Variants in PPFIBP2 observed in about 807,000 individuals in gnomAD.
PPFIBP2 encodes the protein PPFIB scaffold protein 2.
Under a neutral mutation model 118.3 loss-of-function variants are expected in PPFIBP2, and 118 were observed. The observed-to-expected ratio is 1.00, with a 90% CI of 0.86 to 1.16. The LOEUF (loss-of-function observed/expected upper bound fraction) is 1.16. PPFIBP2 is among the 50% of genes most tolerant of loss of function. The probability of loss-of-function intolerance (pLI) is 0.00; values close to 1 mark genes in which losing one functional copy is unlikely to be tolerated. For synonymous variants in PPFIBP2, 414 were observed against 397.4 expected (o/e 1.04, Z -0.50); for missense variants, 1,195 against 1,073.1 (o/e 1.11, Z -1.59).
At chr11:7,640,017 TC>T in intron 15 of PPFIBP2, 147 bp downstream of exon 15, 2 of 992,292 alleles carry the variant, frequency 2.0e-6, no homozygotes, top group Non-Finnish European at 2.6e-6. Flanking sequence ...CTTGGGGTGG[TC>T]CCACCTCCCC....
At chr11:7,617,473 C>CTGAGCAGGTGAGG (rs1281489743) in intron 6 of PPFIBP2, among the ~76,000 whole-genome samples, 1 of 152,138 alleles carries the variant, frequency 6.6e-6, no homozygotes, top group Non-Finnish European at 1.5e-5. Flanking sequence ...CTCAGTGACC[C>CTGAGCAGGTGAGG]TCACTGAGCA....
chr11:7,577,581 G>A (rs1008520461), intron 3 of PPFIBP2: 10 of 456,548 alleles, frequency 2.2e-5, no homozygotes, highest in Non-Finnish European at 4.4e-5. Context: ...TGCTGACATG[G>A]GTGCCCAGCA....
chr11:7,524,859 G>T (rs1850083332), intron 1 of PPFIBP2, among the ~76,000 whole-genome samples: 1 of 152,158 alleles, frequency 6.6e-6, no homozygotes, highest in Non-Finnish European at 1.5e-5. Context: ...AATAGTTCTT[G>T]ACTCTGACAC....
intron 2 of PPFIBP2, among the ~76,000 whole-genome samples, chr11:7,553,687 A>G (rs1378169932): frequency 1.3e-5 from 2 of 152,202 alleles, no homozygotes; most frequent in African/African-American, 4.8e-5. Flanking sequence ...TATTATTGTG[A>G]GGGTTGAATT....
At chr11:7,595,363 G>A (rs1263605707) in intron 4 of PPFIBP2, among the ~76,000 whole-genome samples, 1 of 152,226 alleles carries the variant, frequency 6.6e-6, no homozygotes, top group Non-Finnish European at 1.5e-5. Flanking sequence ...GCAGCAAACA[G>A]TATGAAATTG....
rs1348072358 is a variant in PPFIBP2, at chr11:7,617,082, C to CTT, written c.619-3850_619-3849dup. 8.1e-6 allele frequency: 8 copies of CTT among 982,238 alleles called. No individual in the cohort carries two copies. In the African/African-American group the frequency reaches 1.2e-4, roughly 15 times the overall value. 60.8% of individuals were successfully genotyped at this position (982,238 alleles called of 1,614,324 possible). On this transcript the variant is annotated intron_variant, in intron 6 of 23. Coordinates refer to ENST00000299492, the MANE Select transcript of PPFIBP2 (RefSeq NM_003621.5). ...TCTGAGAGCTGTCTGACCTGGAGTG[C>CTT]TTTTCTCTTCTTTCTTTTCCTTCCT...
At chr11:7,536,348 G>T (rs371779576) in intron 1 of PPFIBP2, among the ~76,000 whole-genome samples, 5 of 152,158 alleles carry the variant, frequency 3.3e-5, no homozygotes, top group African/African-American at 4.8e-5. Context: ...GAGGTAGGCA[G>T]TGGGGCTCTG....
chr11:7,516,520 C>T (rs953356075), intron 1 of PPFIBP2, among the ~76,000 whole-genome samples: 1 of 151,984 alleles, frequency 6.6e-6, no homozygotes. Context: ...TGTATTGGTT[C>T]GAACCCCGAG....
chr11:7,543,765 A>T (rs1313848851), intron 1 of PPFIBP2, among the ~76,000 whole-genome samples: 1 of 152,220 alleles, frequency 6.6e-6, no homozygotes, highest in African/African-American at 2.4e-5. Flanking sequence ...TTTGCCAAAC[A>T]TGAAAGGAGT....
intron 10 of PPFIBP2, 152 bp downstream of exon 10, chr11:7,629,686 G>A (rs1392839169): frequency 5.4e-6 from 4 of 742,424 alleles, no homozygotes; most frequent in East Asian, 2.6e-5. Flanking sequence ...TCTGCATGAT[G>A]AGAACTTAGC....
At chr11:7,665,567 G>C in the PPFIBP2 span, 1 of 1,579,832 alleles carries the variant, frequency 6.3e-7, no homozygotes, top group Non-Finnish European at 8.6e-7. Context: ...GGAGATGCAG[G>C]AGCAAGCTGA....
chr11:7,636,888 G>A (rs749462043), intron 14 of PPFIBP2, among the ~76,000 whole-genome samples: 6 of 152,074 alleles, frequency 3.9e-5, no homozygotes, highest in Non-Finnish European at 5.9e-5. Flanking sequence ...GTGCAGAACC[G>A]CTCCACAGTC....
chr11:7,547,759 C>T (rs1479877755), intron 1 of PPFIBP2, among the ~76,000 whole-genome samples: 1 of 152,200 alleles, frequency 6.6e-6, no homozygotes, highest in African/African-American at 2.4e-5. Context: ...TTCTCATTCC[C>T]TCTAAGCTAA....
intron 5 of PPFIBP2, among the ~76,000 whole-genome samples, chr11:7,605,555 A>C (rs1335865366): frequency 1.3e-5 from 2 of 152,232 alleles, no homozygotes; most frequent in Non-Finnish European, 2.9e-5. Context: ...AATCACGACA[A>C]AAGACTAACA....
intron 1 of PPFIBP2, among the ~76,000 whole-genome samples, chr11:7,536,988 C>A (rs775862864): frequency 6.6e-6 from 1 of 152,100 alleles, no homozygotes; most frequent in Non-Finnish European, 1.5e-5. Flanking sequence ...GACAGGCTGG[C>A]AGACCATGGT....
At chr11:7,571,265 C>T (rs967217656) in intron 3 of PPFIBP2, among the ~76,000 whole-genome samples, 2 of 152,210 alleles carry the variant, frequency 1.3e-5, no homozygotes, top group East Asian at 1.9e-4. Flanking sequence ...GCCACCCCCC[C>T]TTCTCAGCTC....
downstream of PPFIBP2, among the ~76,000 whole-genome samples, chr11:7,658,215 A>G (rs533534348): frequency 9.9e-5 from 15 of 151,140 alleles, no homozygotes; most frequent in East Asian, 3.0e-3. Context: ...TTACATATGT[A>G]TACATGTGCC....
chr11:7,597,729 C>G, intron 5 of PPFIBP2, 56 bp downstream of exon 5: 2 of 1,386,680 alleles, frequency 1.4e-6, no homozygotes, highest in South Asian at 1.2e-5. Context: ...TGTGCTGAAG[C>G]CCCTTTGTGT....
chr11:7,649,237 T>C lies in PPFIBP2; in HGVS notation c.1998+2T>C. 1.2e-6 allele frequency: 2 copies of C among 1,610,172 alleles called. No individual in the cohort carries two copies. Among genetic ancestry groups the C allele is most frequent in the Non-Finnish European group, 1.7e-6 (2 of 1,176,760 alleles). On this transcript the variant is annotated splice_donor_variant, in intron 20 of 23. Transcript: ENST00000299492. LOFTEE classifies it high-confidence loss of function. ...CGAATGCTGCAATACCTAACTGTGG[T>C]GAGGACTTTTTCTTTAAATATTTCA...
Sources: allele counts gnomAD v4.1 joint callset (sites outside exome capture counted in the v4.1 genomes callset), GRCh38; gene constraint gnomAD v4.1.1; transcripts MANE v1.5; gene names NCBI Gene and HGNC (gene_info 2026-07-23, HGNC 2026-07-21).